Variants in SH3RF2 observed in about 807,000 individuals in gnomAD.
SH3RF2 encodes E3 ubiquitin-protein ligase SH3RF2.
SH3RF2 carries 43 observed loss-of-function variants against 59.0 expected under a neutral mutation model. The ratio of observed to expected loss-of-function variants is 0.73; its 90% CI spans 0.57 to 0.94. SH3RF2 has a LOEUF of 0.94. Among genes scored for constraint, SH3RF2 ranks in the 40% least tolerant of loss-of-function variants. SH3RF2 has a pLI of 0.00. For missense variants in SH3RF2, 930 were observed against 940.1 expected (o/e 0.99, Z 0.14); for synonymous variants, 391 against 391.5 (o/e 1.00, Z 0.01).
chr5:146,048,946 C>A, intron 6 of SH3RF2, 129 bp from the exon 7 acceptor site: 1 of 1,079,310 alleles, frequency 9.3e-7, no homozygotes, highest in Non-Finnish European at 1.3e-6. Flanking sequence ...TGAGAACCAC[C>A]GCACCCGCTC....
intron 5 of SH3RF2, among the ~76,000 whole-genome samples, chr5:146,037,829 T>G (rs115827527): frequency 0.018 from 2,775 of 152,272 alleles, 78 homozygotes; most frequent in African/African-American, 0.062. Context: ...ACTCACTTCA[T>G]AAGATTAGGA....
chr5:146,060,585 C>T (rs758030344), intron 9 of SH3RF2, among the ~76,000 whole-genome samples: 1 of 152,042 alleles, frequency 6.6e-6, no homozygotes. Flanking sequence ...AATACTTCAC[C>T]CTTCTGAGTC....
intron 4 of SH3RF2, among the ~76,000 whole-genome samples, chr5:146,011,423 AT>A (rs1319225446): frequency 9.9e-5 from 15 of 152,184 alleles, no homozygotes; most frequent in African/African-American, 2.9e-4. Flanking sequence ...GAAGAAAGTC[AT>A]TGGTAGCTTG....
Position 145,974,446 on chromosome 5 carries a change from A to T in SH3RF2, c.379-25612A>T, listed in dbSNP as rs116127851. On this transcript the variant is annotated intron_variant, in intron 2 of 9. Coordinates refer to ENST00000359120, the MANE Select transcript of SH3RF2 (RefSeq NM_152550.4). ...CCACCTTAGAGTCTGTGTTCCAAAG[A>T]TGGATAGGAAAGGAAGGAAAAGAAG... Among the ~76,000 whole-genome samples, 235 of 152,262 alleles carry T rather than the reference A, an allele frequency of 1.5e-3. 1 individual carries two copies. The highest frequency in any genetic ancestry group is 5.5e-3 in the African/African-American group (228 of 41,532).
At chr5:146,008,958 G>A (rs1414911021) in intron 4 of SH3RF2, among the ~76,000 whole-genome samples, 2 of 152,198 alleles carry the variant, frequency 1.3e-5, no homozygotes, top group African/African-American at 4.8e-5. Context: ...TCATGTATCA[G>A]TAGTTCATTC....
intron 7 of SH3RF2, among the ~76,000 whole-genome samples, chr5:146,052,860 C>A (rs1417041459): frequency 6.6e-6 from 1 of 152,116 alleles, no homozygotes; most frequent in Non-Finnish European, 1.5e-5. Flanking sequence ...TGTGTAAGAA[C>A]TGAGTGGATT....
chr5:146,050,785 A>G (rs547339763), intron 7 of SH3RF2, among the ~76,000 whole-genome samples: 1 of 152,358 alleles, frequency 6.6e-6, no homozygotes, highest in East Asian at 1.9e-4. Flanking sequence ...TAACAAAAAA[A>G]TCAGAAAAGG....
chr5:146,060,027 A>G lies in SH3RF2; in HGVS notation c.1717A>G (p.Lys573Glu). 6.2e-7 allele frequency: 1 copy of G among 1,610,720 alleles called. No individual in the cohort carries two copies. Among genetic ancestry groups the G allele is most frequent in the Non-Finnish European group, 8.5e-7 (1 of 1,178,360 alleles). ...AGCCGTGGTGGTGGAGATGGGGTCC[A>G]AGCCTGCCCTCACGGGGGAGCCCGC... ...PSAVVVEMGSKPALTGEPALT... is the reference protein window; with the variant it reads ...PSAVVVEMGSEPALTGEPALT... Residue 573 changes from lysine to glutamate, a missense_variant, in exon 9 of 10, where the codon AAG becomes GAG. Coordinates refer to ENST00000359120, the MANE Select transcript of SH3RF2 (RefSeq NM_152550.4).
At chr5:145,970,823 C>A (rs1759052551) in intron 2 of SH3RF2, among the ~76,000 whole-genome samples, 1 of 151,798 alleles carries the variant, frequency 6.6e-6, no homozygotes, top group Admixed American at 6.6e-5. Context: ...GGAAGTTAAC[C>A]TTATAGAATT....
intron 2 of SH3RF2, among the ~76,000 whole-genome samples, chr5:145,943,184 C>T (rs1757883855): frequency 6.6e-6 from 1 of 151,248 alleles, no homozygotes; most frequent in South Asian, 2.1e-4. Flanking sequence ...AGTCAGCTGG[C>T]ACTAGAGTTC....
chr5:146,052,940 TG>T (rs1488964932), intron 7 of SH3RF2, among the ~76,000 whole-genome samples: 1 of 152,180 alleles, frequency 6.6e-6, no homozygotes, highest in Admixed American at 6.5e-5. Context: ...CCCTAGCCTT[TG>T]TCTTCTGTTT....
At chr5:145,963,070 T>A (rs1237279621) in intron 2 of SH3RF2, among the ~76,000 whole-genome samples, 1 of 151,686 alleles carries the variant, frequency 6.6e-6, no homozygotes, top group African/African-American at 2.4e-5. Context: ...GCTAATTTTT[T>A]GTATTTTTAG....
At chr5:145,942,167 C>T (rs1017599627) in intron 2 of SH3RF2, among the ~76,000 whole-genome samples, 1 of 152,238 alleles carries the variant, frequency 6.6e-6, no homozygotes, top group East Asian at 1.9e-4. Flanking sequence ...CCCCAAACAG[C>T]ACCTTCAAAG....
At chr5:145,965,776 C>T (rs1024581368) in intron 2 of SH3RF2, among the ~76,000 whole-genome samples, 15 of 152,218 alleles carry the variant, frequency 9.9e-5, no homozygotes, top group African/African-American at 2.2e-4. Flanking sequence ...ATAGAATGTG[C>T]GGTCTCATCA....
chr5:146,062,470 C>T lies in SH3RF2; in HGVS notation c.1959C>T (p.Thr653=). Reference sequence around the variant, plus strand: ...TTCAGAATTACAGCCCTCCTCCCACCAAACATTACACCTCCCATCCCACCT... The same window carrying T: ...TTCAGAATTACAGCCCTCCTCCCACTAAACATTACACCTCCCATCCCACCT... The part of the protein sequence containing the change: ...VRFQNYSPPP[T]KHYTSHPTSG... Residue 653 remains threonine, a synonymous_variant, in exon 10 of 10, where the codon ACC becomes ACT. Transcript: ENST00000359120. 1 of 1,614,170 alleles carries T rather than the reference C, an allele frequency of 6.2e-7. No homozygotes were observed. The highest frequency in any genetic ancestry group is 1.1e-5 in the South Asian group (1 of 91,080).
At chr5:146,076,434 A>G in intron 9 of SH3RF2, among the ~76,000 whole-genome samples, 1 of 152,194 alleles carries the variant, frequency 6.6e-6, no homozygotes, top group East Asian at 1.9e-4. Context: ...TCTAAGGCAG[A>G]CCGCCTTCCT....
At chr5:145,957,939 C>A (rs1580770474) in intron 2 of SH3RF2, among the ~76,000 whole-genome samples, 1 of 152,160 alleles carries the variant, frequency 6.6e-6, no homozygotes, top group South Asian at 2.1e-4. Flanking sequence ...ATGGTGAAAC[C>A]CCGTCTCTAC....
chr5:145,937,222 A>T (rs1424218278), intron 1 of SH3RF2: 1 of 152,048 alleles, frequency 6.6e-6, no homozygotes, highest in Non-Finnish European at 1.5e-5. Flanking sequence ...AAGCACCCTG[A>T]CCTGTGGTTA....
intron 4 of SH3RF2, among the ~76,000 whole-genome samples, chr5:146,011,335 T>C (rs1214905202): frequency 6.6e-6 from 1 of 152,212 alleles, no homozygotes; most frequent in Non-Finnish European, 1.5e-5. Flanking sequence ...CTTTGTTCTT[T>C]TGGCTTAGGA....
Sources: allele counts gnomAD v4.1 joint callset (sites outside exome capture counted in the v4.1 genomes callset), GRCh38; gene constraint gnomAD v4.1.1; transcripts MANE v1.5; gene names NCBI Gene and HGNC (gene_info 2026-07-23, HGNC 2026-07-21).